The following NAPG variants were observed in gnomAD, a reference collection of about 807,000 sequenced individuals.
NAPG encodes the protein NSF attachment protein gamma.
A neutral mutation model predicts 48.4 loss-of-function variants in NAPG; 25 were observed. That is an observed-to-expected ratio of 0.52 (90% confidence interval 0.38 to 0.72). The LOEUF (loss-of-function observed/expected upper bound fraction) is 0.72. Ranked by LOEUF, NAPG falls within the 30% of genes least tolerant of loss-of-function variation. The pLI, the probability that NAPG is intolerant of heterozygous loss-of-function variation, is 0.00. For synonymous variants in NAPG, 139 were observed against 127.2 expected (o/e 1.09, Z -0.62); for missense variants, 359 against 372.5 (o/e 0.96, Z 0.30).
At position 10,533,545 on chromosome 18, in the gene NAPG, T is replaced by A; in HGVS notation, c.219T>A (p.His73Gln). ...VAHENNRALF[H>Q]AAKAYEQAGM... ...CGTTACTTCCATTCAGTCTTTTTCA[T>A]GCTGCCAAGTAAGTATTCTTCATGT... The change falls in exon 4 of 12, where the codon CAT becomes CAA. Residue 73 changes from histidine to glutamine, a missense_variant. Physicochemically the swap from His to Gln is conservative, Grantham distance 24. Transcript: ENST00000322897. 1 of 1,600,942 alleles carries A rather than the reference T, an allele frequency of 6.2e-7. No individual in the cohort carries two copies. The highest frequency in any genetic ancestry group is 1.7e-4 in the Middle Eastern group (1 of 6,032).
rs933327036 is a variant in NAPG, at chr18:10,552,704, A to G, written c.*2484A>G. 1 of 152,234 alleles carries G rather than the reference A, an allele frequency of 6.6e-6. No homozygotes were observed. Among genetic ancestry groups the G allele is most frequent in the African/African-American group, 2.4e-5 (1 of 41,460 alleles). The allele number at this position is 152,234 out of a possible 1,614,324, so 9.4% of individuals were successfully genotyped here. ...AGAATATTAAATGTGTTGTTATGGA[A>G]ATACAGATTATTGCTTCTATAGGAA... On this transcript the variant is annotated 3_prime_UTR_variant, in exon 12 of 12. Coordinates refer to ENST00000322897, the MANE Select transcript of NAPG (RefSeq NM_003826.3).
chr18:10,537,044 C>A (rs2032049774), intron 5 of NAPG, among the ~76,000 whole-genome samples: 1 of 151,436 alleles, frequency 6.6e-6, no homozygotes, highest in Non-Finnish European at 1.5e-5. Flanking sequence ...GCAGCCTCAA[C>A]CTCCTGGGCT....
intron 1 of NAPG, among the ~76,000 whole-genome samples, chr18:10,528,416 A>G (rs1281183031): frequency 6.6e-6 from 1 of 152,232 alleles, no homozygotes; most frequent in African/African-American, 2.4e-5. Context: ...GTGCTAGAAT[A>G]GAAGTATTCA....
At position 10,543,890 on chromosome 18, in the gene NAPG, G is replaced by A. The variant is rs2032206724; in HGVS notation, c.507-2436G>A. 6.6e-6 allele frequency among the ~76,000 whole-genome samples: 1 copy of A among 152,086 alleles called. No homozygotes were observed. The highest frequency in any genetic ancestry group is 6.5e-5 in the Admixed American group (1 of 15,268). On this transcript the variant is annotated intron_variant, in intron 8 of 11. Transcript: ENST00000322897. The surrounding 1 kb of genome is among the most constrained non-coding windows in gnomAD (Gnocchi z 4.4). ...AATTTCATGGCCTTTTAGCAAAGTCGATCAACTTTTTCGACTACAAACTCA... is the reference window on the plus strand; with the variant it reads ...AATTTCATGGCCTTTTAGCAAAGTCAATCAACTTTTTCGACTACAAACTCA...
chr18:10,548,947 G>A lies in NAPG; in HGVS notation c.666-20G>A. ...TCTTTTAAGGAGAAGGTGAAGACGT[G>A]TGATTTGTGCTTACTGCAGCATCCC... On this transcript the variant is annotated intron_variant, in intron 10 of 11. Coordinates refer to ENST00000322897, the MANE Select transcript of NAPG (RefSeq NM_003826.3). This position sits in a 1 kb window ranked among gnomAD's most constrained non-coding sequence, Gnocchi z 4.4. 2 of 1,609,406 alleles carry A rather than the reference G, an allele frequency of 1.2e-6. No individual in the cohort carries two copies. The highest frequency in any genetic ancestry group is 1.1e-5 in the South Asian group (1 of 90,450).
In NAPG at chr18:10,550,178, T is replaced by C. The variant is rs781209387; in HGVS notation, c.897T>C (p.Ala299=). The C allele has an allele frequency of 1.6e-5, 26 of 1,588,942 alleles. No homozygotes were observed. Among genetic ancestry groups the C allele is most frequent in the Middle Eastern group, 1.7e-4 (1 of 6,022 alleles). ...QAKPDGVTAT[A]ADEEEDEYSG... ...AGCCTGATGGTGTCACTGCCACGGCTGCTGATGAAGAGGAAGATGAATACT... is the reference window on the plus strand; with the variant it reads ...AGCCTGATGGTGTCACTGCCACGGCCGCTGATGAAGAGGAAGATGAATACT... Residue 299 remains alanine, a synonymous_variant, in exon 12 of 12, where the codon GCT becomes GCC. Transcript: ENST00000322897.
chr18:10,545,128 A>G (rs2032235301), intron 8 of NAPG, among the ~76,000 whole-genome samples: 1 of 152,114 alleles, frequency 6.6e-6, no homozygotes, highest in Non-Finnish European at 1.5e-5. Context: ...CCTGGCCAAC[A>G]TAGCGAAACC....
In NAPG at chr18:10,526,084, C is replaced by A; in HGVS notation, c.-19C>A. 1 of 1,611,706 alleles carries A rather than the reference C, an allele frequency of 6.2e-7. No individual in the cohort carries two copies. The highest frequency in any genetic ancestry group is 8.5e-7 in the Non-Finnish European group (1 of 1,177,966). ...AGGCAGGGTCACCCTCTCTCCACGT[C>A]AGAGACCTGACTGTGGAGATGGCGG... On this transcript the variant is annotated 5_prime_UTR_variant, in exon 1 of 12. Transcript: ENST00000322897.
chr18:10,526,980 A>G (rs1441230873), intron 1 of NAPG, among the ~76,000 whole-genome samples: 5 of 151,876 alleles, frequency 3.3e-5, no homozygotes, highest in African/African-American at 7.3e-5. Flanking sequence ...ACAAGGTCAG[A>G]AGATCCAGAC....
rs1351216883 is a variant in NAPG at position 10,548,672 on chromosome 18, TTTATG to T, written c.666-291_666-287del. Among the ~76,000 whole-genome samples, 1 of 152,062 alleles carries T rather than the reference TTTATG, an allele frequency of 6.6e-6. No individual in the cohort carries two copies. Among genetic ancestry groups the T allele is most frequent in the African/African-American group, 2.4e-5 (1 of 41,392 alleles). Reference sequence around the variant, plus strand: ...GAAAAAGGGGGAAAAAATTATCAGATTTATGTTACAGAAATCAAAATGAGGAATTT... The same window carrying T: ...GAAAAAGGGGGAAAAAATTATCAGATTTACAGAAATCAAAATGAGGAATTT... On this transcript the variant is annotated intron_variant, in intron 10 of 11. Coordinates refer to ENST00000322897, the MANE Select transcript of NAPG (RefSeq NM_003826.3). The surrounding 1 kb of genome is among the most constrained non-coding windows in gnomAD (Gnocchi z 4.4).
At chr18:10,527,187 CAAAAAAA>C (rs775618160) in intron 1 of NAPG, among the ~76,000 whole-genome samples, 23 of 105,538 alleles carry the variant, frequency 2.2e-4, no homozygotes, top group Admixed American at 1.8e-3. Flanking sequence ...GACTCCGTCT[CAAAAAAA>C]AAAAAAAAAA....
rs778054416 is a variant in NAPG at position 10,539,818 on chromosome 18, T to C, written c.315T>C (p.Tyr105=). 7 of 1,613,892 alleles carry C rather than the reference T, an allele frequency of 4.3e-6. No individual in the cohort carries two copies. The highest frequency in any genetic ancestry group is 1.1e-5 in the South Asian group (1 of 91,084). Residue 105 remains tyrosine, a synonymous_variant, in exon 6 of 12, where the codon TAT becomes TAC. Transcript: ENST00000322897. The surrounding 1 kb of genome is among the most constrained non-coding windows in gnomAD (Gnocchi z 4.7). ...TAATTGAGAAGGCCAGCATGATGTA[T>C]CTAGAAAACGGCACCCCAGACACAG... The part of the protein sequence containing the change: ...VQLIEKASMM[Y]LENGTPDTAA...
chr18:10,532,139 C>T (rs2031940121), intron 2 of NAPG, among the ~76,000 whole-genome samples: 1 of 152,162 alleles, frequency 6.6e-6, no homozygotes, highest in Non-Finnish European at 1.5e-5. Flanking sequence ...ACTTTTAAAA[C>T]AGCTTTCAGT....
At position 10,534,446 on chromosome 18, in the gene NAPG, A is replaced by G; in HGVS notation, c.228-20A>G. ...TTATTTCGTTAAGATCTCATCAGAG[A>G]AATTATATTCTCTTTGCAGAGCTTA... is the stretch of plus-strand genomic sequence containing the variant. On this transcript the variant is annotated intron_variant, in intron 4 of 11. Transcript: ENST00000322897. The surrounding 1 kb of genome is among the most constrained non-coding windows in gnomAD (Gnocchi z 5.0). 6.2e-7 allele frequency: 1 copy of G among 1,612,322 alleles called. No homozygotes were observed. The highest frequency in any genetic ancestry group is 8.5e-7 in the Non-Finnish European group (1 of 1,178,624).
chr18:10,535,747 C>T (rs954782362), intron 5 of NAPG, among the ~76,000 whole-genome samples: 4 of 152,052 alleles, frequency 2.6e-5, no homozygotes, highest in African/African-American at 4.8e-5. Context: ...GGCAACAGAG[C>T]GAGACTCTGT....
Position 10,547,233 on chromosome 18 carries a change from C to A in NAPG, c.585+829C>A, listed in dbSNP as rs556267352. On this transcript the variant is annotated intron_variant, in intron 9 of 11. Transcript: ENST00000322897. ...AGGATTTGAATTAAGTGTAGAACTT[C>A]CATCCACCAAAAACAAGGCACCACA... 1.7e-4 allele frequency among the ~76,000 whole-genome samples: 26 copies of A among 152,342 alleles called. 1 individual carries two copies. The East Asian group carries it at 4.6e-3, about 27-fold the overall frequency.
At chr18:10,530,737 T>G in intron 1 of NAPG, 33 bp from the exon 2 acceptor site, 1 of 1,436,286 alleles carries the variant, frequency 7.0e-7, no homozygotes, top group Admixed American at 2.4e-5. Flanking sequence ...ATGTGGTTGG[T>G]AACTCCTGTT....
chr18:10,526,208 T>A, intron 1 of NAPG, 50 bp downstream of exon 1: 1 of 1,037,336 alleles, frequency 9.6e-7, no homozygotes, highest in Non-Finnish European at 1.4e-6. Flanking sequence ...GGTCCGTCTC[T>A]CACTGGCGCG....
rs994541625 is a variant in NAPG, at chr18:10,548,792, G to C, written c.666-175G>C. ...TGTGGTCGGGCCTGTCCTGTGCACT[G>C]TAGGCTGGTTAGCGGGATCCCCGGT... On this transcript the variant is annotated intron_variant, in intron 10 of 11. Transcript: ENST00000322897. The surrounding 1 kb of genome is among the most constrained non-coding windows in gnomAD (Gnocchi z 4.4). Among the ~76,000 whole-genome samples the C allele has an allele frequency of 6.6e-6, 1 of 152,152 alleles. No individual in the cohort carries two copies. The highest frequency in any genetic ancestry group is 1.5e-5 in the Non-Finnish European group (1 of 68,020).
Sources: allele counts gnomAD v4.1 joint callset (sites outside exome capture counted in the v4.1 genomes callset), GRCh38; gene constraint gnomAD v4.1.1; non-coding constraint Gnocchi (gnomAD v3.1); transcripts MANE v1.5; gene names NCBI Gene and HGNC (gene_info 2026-07-23, HGNC 2026-07-21).